Variants in INAVA observed in about 807,000 individuals in gnomAD.
INAVA encodes the protein innate immunity activator, also known as innate immunity activator protein.
A neutral mutation model predicts 55.3 loss-of-function variants in INAVA; 32 were observed. That is an observed-to-expected ratio of 0.58 (90% CI 0.44 to 0.78). INAVA has a LOEUF of 0.78. INAVA is among the 30% of genes least tolerant of loss of function. The pLI is 0.00. For synonymous variants in INAVA, 294 were observed against 329.4 expected (o/e 0.89, Z 1.16); for missense variants, 756 against 786.4 (o/e 0.96, Z 0.46).
intron 5 of INAVA, among the ~76,000 whole-genome samples, chr1:200,907,563 G>T (rs1653544828): frequency 6.6e-6 from 1 of 152,032 alleles, no homozygotes; most frequent in African/African-American, 2.4e-5. Flanking sequence ...TGAGGCTGAG[G>T]TGGGAGGATC....
intron 7 of INAVA, 59 bp from the exon 8 acceptor site, chr1:200,909,165 C>T: frequency 1.4e-6 from 2 of 1,465,642 alleles, no homozygotes; most frequent in Non-Finnish European, 1.8e-6. Flanking sequence ...TCTTCTGCAC[C>T]TCTTGAGCCC....
chr1:200,898,566 A>C (rs1320571413), intron 2 of INAVA, 111 bp downstream of exon 2: 1 of 1,250,014 alleles, frequency 8.0e-7, no homozygotes, highest in African/African-American at 1.5e-5. Flanking sequence ...CTGGGCTGAG[A>C]CTCCCAAGGG....
chr1:200,901,108 C>A lies in INAVA; in HGVS notation c.469C>A (p.Arg157=). The part of the protein sequence containing the change: ...LQELQRCLVE[R]RRNSEPPPAA... The stretch of plus-strand genomic sequence containing the variant: ...GGAGCTCCAGCGCTGCCTGGTCGAG[C>A]GGCGGCGCAATAGCGAGCCACCTCC... The change falls in exon 5 of 10, where the codon CGG becomes AGG. Residue 157 remains arginine, a synonymous_variant. Coordinates refer to ENST00000413687, the MANE Select transcript of INAVA (RefSeq NM_001142569.3). 6.5e-7 allele frequency: 1 copy of A among 1,534,300 alleles called. No homozygotes were observed. The highest frequency in any genetic ancestry group is 8.7e-7 in the Non-Finnish European group (1 of 1,144,968).
chr1:200,894,466 C>G (rs899731544), upstream of INAVA, among the ~76,000 whole-genome samples: 8 of 152,190 alleles, frequency 5.3e-5, no homozygotes, highest in East Asian at 9.6e-4. Flanking sequence ...GTCTTCATTT[C>G]CATATGTGGG....
upstream of INAVA, chr1:200,891,678 C>A (rs1286635662): frequency 1.4e-6 from 2 of 1,480,764 alleles, no homozygotes; most frequent in Admixed American, 2.5e-5. Flanking sequence ...GGCAGGCGGG[C>A]GGCGCCAGAG....
chr1:200,910,379 A>G (rs1055569293), intron 8 of INAVA, among the ~76,000 whole-genome samples: 3 of 152,200 alleles, frequency 2.0e-5, no homozygotes, highest in African/African-American at 7.2e-5. Context: ...AATTGACTGT[A>G]TGTTACTTTC....
In INAVA at chr1:200,911,543, T is replaced by C; in HGVS notation, c.1050T>C (p.Asp350=). Residue 350 remains aspartate, a synonymous_variant, in exon 9 of 10, where the codon GAT becomes GAC. Transcript: ENST00000413687. ...RPTHYTVTVP[D]SCFPATKPPL... ...CTCACTACACGGTGACAGTGCCAGA[T>C]TCCTGCTTTCCCGCGACCAAGCCCC... 3.1e-6 allele frequency: 5 copies of C among 1,613,688 alleles called. No individual in the cohort carries two copies. The highest frequency in any genetic ancestry group is 3.4e-6 in the Non-Finnish European group (4 of 1,179,908).
At chr1:200,904,723 C>CTT (rs367846848) in intron 5 of INAVA, among the ~76,000 whole-genome samples, 4 of 142,600 alleles carry the variant, frequency 2.8e-5, no homozygotes, top group Non-Finnish European at 1.5e-5. Context: ...AAACCTGAAT[C>CTT]TTTTTTTTTT....
chr1:200,910,848 A>C (rs1431409157), intron 8 of INAVA, among the ~76,000 whole-genome samples: 1 of 152,174 alleles, frequency 6.6e-6, no homozygotes, highest in Non-Finnish European at 1.5e-5. Flanking sequence ...GCATTAGTAG[A>C]GTGAAGTGAA....
At position 200,909,379 on chromosome 1, in the gene INAVA, G is replaced by A. The variant is rs1280627900; in HGVS notation, c.941G>A (p.Gly314Asp). The change falls in exon 8 of 10, where the codon GGC becomes GAC. Residue 314 changes from glycine (G) to aspartate (D), a missense_variant. Physicochemically the swap from Gly to Asp is moderately conservative, Grantham distance 94. This residue lies in a region of INAVA where 639 missense variants were observed against 624.3 expected (regional missense o/e 1.02). Coordinates refer to ENST00000413687, the MANE Select transcript of INAVA (RefSeq NM_001142569.3). ...PATPEIQGRR[G>D]QSQSLRVDSF... ...ACCCCTGAGATACAGGGGAGGAGGG[G>A]CCAGTCGCAGTCTCTGAGGTAAGAG... The A allele has an allele frequency of 6.2e-7, 1 of 1,602,716 alleles. No homozygotes were observed. Among genetic ancestry groups the A allele is most frequent in the South Asian group, 1.1e-5 (1 of 89,900 alleles).
At chr1:200,899,706 C>T in intron 3 of INAVA, 109 bp downstream of exon 3, 1 of 1,471,436 alleles carries the variant, frequency 6.8e-7, no homozygotes, top group Non-Finnish European at 9.1e-7. Flanking sequence ...TGAGGGAATT[C>T]TGGACATCAG....
chr1:200,907,989 G>A, intron 6 of INAVA, 102 bp downstream of exon 6: 1 of 940,156 alleles, frequency 1.1e-6, no homozygotes, highest in Non-Finnish European at 1.7e-6. Context: ...GGGAGTGAAG[G>A]CTAGGGTGCC....
chr1:200,899,609 G>C lies in INAVA; in HGVS notation c.180+12G>C. On this transcript the variant is annotated intron_variant, in intron 3 of 9. Transcript: ENST00000413687. ...GCCTTCGGGAAGCGGTGAGGCCCCAGCCAGCACACACAAGCATCGGGTTCA... is the reference window on the plus strand; with the variant it reads ...GCCTTCGGGAAGCGGTGAGGCCCCACCCAGCACACACAAGCATCGGGTTCA... 1 of 1,611,388 alleles carries C rather than the reference G, an allele frequency of 6.2e-7. No homozygotes were observed. The highest frequency in any genetic ancestry group is 1.1e-5 in the South Asian group (1 of 90,778).
At chr1:200,899,874 C>T (rs1308690456) in intron 3 of INAVA, among the ~76,000 whole-genome samples, 1 of 152,192 alleles carries the variant, frequency 6.6e-6, no homozygotes, top group South Asian at 2.1e-4. Flanking sequence ...GTGCTGTAAC[C>T]CGGGTCGGTG....
At chr1:200,900,757 C>T (rs1012111778) in intron 4 of INAVA, among the ~76,000 whole-genome samples, 180 bp from the exon 5 acceptor site, 7 of 152,190 alleles carry the variant, frequency 4.6e-5, no homozygotes, top group African/African-American at 1.2e-4. Context: ...GTTTGCTTTT[C>T]GGCTCCTCCC....
Position 200,901,171 on chromosome 1 carries a change from G to T in INAVA, c.520+12G>T. On this transcript the variant is annotated intron_variant, in intron 5 of 9. Transcript: ENST00000413687. The stretch of plus-strand genomic sequence containing the variant: ...CCCCCTGGGCCGAGGTGAGCCGGCT[G>T]CCCTGAGGGGGGCCATGCTCCTTAA... The T allele has an allele frequency of 2.0e-6, 3 of 1,494,006 alleles. No individual in the cohort carries two copies. Among genetic ancestry groups the T allele is most frequent in the African/African-American group, 2.8e-5 (2 of 72,082 alleles). 92.5% of individuals were successfully genotyped at this position (1,494,006 alleles called of 1,614,324 possible).
At chr1:200,894,652 C>A (rs1668302296), upstream of INAVA, among the ~76,000 whole-genome samples, 1 of 152,118 alleles carries the variant, frequency 6.6e-6, no homozygotes, top group Non-Finnish European at 1.5e-5. Context: ...CACGCAGGTA[C>A]CTCACAGCTC....
rs1653724961 is a variant in INAVA at position 200,911,558 on chromosome 1, G to A, written c.1065G>A (p.Ala355=). The A allele has an allele frequency of 6.2e-7, 1 of 1,613,548 alleles. No individual in the cohort carries two copies. Residue 355 remains alanine (A), a synonymous_variant, in exon 9 of 10, where the codon GCG becomes GCA. Coordinates refer to ENST00000413687, the MANE Select transcript of INAVA (RefSeq NM_001142569.3). ...TVTVPDSCFP[A]TKPPLPHAAC... ...CAGTGCCAGATTCCTGCTTTCCCGC[G>A]ACCAAGCCCCCGCTGCCCCACGCCG...
chr1:200,909,061 A>C, intron 7 of INAVA, 121 bp downstream of exon 7: 1 of 1,309,262 alleles, frequency 7.6e-7, no homozygotes, highest in African/African-American at 1.5e-5. Flanking sequence ...GAGCTCCTGC[A>C]GTCGTGGGAT....
Sources: gnomAD v4.1 joint callset for allele counts (sites outside exome capture counted in the v4.1 genomes callset) on GRCh38, gnomAD v4.1.1 for gene constraint, gnomAD v4.1.1 regional missense constraint, MANE v1.5 for transcripts, NCBI Gene and HGNC (gene_info 2026-07-23, HGNC 2026-07-21) for gene names.